Variants in KBTBD3 observed in about 807,000 individuals in gnomAD.
KBTBD3 encodes kelch repeat and BTB domain containing 3, also known as kelch repeat and BTB domain-containing protein 3.
Under a neutral mutation model 49.6 loss-of-function variants are expected in KBTBD3, and 38 were observed. That is an observed-to-expected ratio of 0.77 (90% CI 0.59 to 1.00). KBTBD3 has a LOEUF of 1.00. Among genes scored for constraint, KBTBD3 ranks in the 50% least tolerant of loss-of-function variants. The pLI is 0.00. For missense variants in KBTBD3, 661 were observed against 712.0 expected (o/e 0.93, Z 0.81); for synonymous variants, 214 against 250.4 (o/e 0.85, Z 1.37).
rs777701396 is a variant in KBTBD3 at position 106,054,153 on chromosome 11, T to C, written c.536A>G (p.His179Arg). The change falls in exon 4 of 4, where the codon CAT becomes CGT. Residue 179 changes from histidine (H) to arginine (R), a missense_variant. Physicochemically the swap from His to Arg is conservative, Grantham distance 29. Transcript: ENST00000531837. ...LFDHALHFVQ[H>R]HFSLLFKSSD... ...GGATTTAAATAATAAAGAAAAGTGA[T>C]GTTGTACAAAGTGTAATGCATGATC... 6.2e-7 allele frequency: 1 copy of C among 1,613,104 alleles called. No individual in the cohort carries two copies. Among genetic ancestry groups the C allele is most frequent in the Non-Finnish European group, 8.5e-7 (1 of 1,179,416 alleles).
chr11:106,053,968 C>G lies in KBTBD3; in HGVS notation c.721G>C (p.Val241Leu). 2 of 1,613,866 alleles carry G rather than the reference C, an allele frequency of 1.2e-6. No homozygotes were observed. Among genetic ancestry groups the G allele is most frequent in the Non-Finnish European group, 8.5e-7 (1 of 1,179,908 alleles). ...TCCTCAGATAACTGATGTAATCTCA[C>G]TTTTTCAATCAAATGAGGCAGATAC... is the stretch of plus-strand genomic sequence containing the variant. ...QKYLPHLIEK[V>L]RLHQLSEETL... Residue 241 changes from valine (V) to leucine (L), a missense_variant, in exon 4 of 4, where the codon GTG becomes CTG. Val to Leu is a conservative substitution (Grantham distance 32). Coordinates refer to ENST00000531837, the MANE Select transcript of KBTBD3 (RefSeq NM_198439.3).
At position 106,058,876 on chromosome 11, in the gene KBTBD3, A is replaced by G; in HGVS notation, c.222T>C (p.Ser74=). 6.4e-7 allele frequency: 1 copy of G among 1,566,076 alleles called. No individual in the cohort carries two copies. Among genetic ancestry groups the G allele is most frequent in the Non-Finnish European group, 8.6e-7 (1 of 1,160,022 alleles). The change falls in exon 3 of 4, where the codon AGT becomes AGC. Residue 74 remains serine, a synonymous_variant. Coordinates refer to ENST00000531837, the MANE Select transcript of KBTBD3 (RefSeq NM_198439.3). ...PCHRCVLAAC[S]DFFRAMFEVN... Reference sequence around the variant, plus strand: ...ACAAGGTAAAGTACCTGAAAAAGTCACTGCATGCTGCTAACACACAACGAT... The same window carrying G: ...ACAAGGTAAAGTACCTGAAAAAGTCGCTGCATGCTGCTAACACACAACGAT...
At chr11:106,076,322 G>A (rs903211687) in intron 2 of KBTBD3, 185 bp downstream of exon 2, 4 of 152,126 alleles carry the variant, frequency 2.6e-5, no homozygotes, top group African/African-American at 9.7e-5. Flanking sequence ...CCAATAATTC[G>A]TTTTACTGTC....
At chr11:106,063,548 G>GT (rs2135010707) in intron 2 of KBTBD3, among the ~76,000 whole-genome samples, 2 of 152,290 alleles carry the variant, frequency 1.3e-5, no homozygotes, top group African/African-American at 4.8e-5. Flanking sequence ...CATATTTGAG[G>GT]TAAATAACTT....
intron 2 of KBTBD3, among the ~76,000 whole-genome samples, chr11:106,062,501 G>T (rs532270612): frequency 6.6e-6 from 1 of 152,144 alleles, no homozygotes; most frequent in Non-Finnish European, 1.5e-5. Flanking sequence ...AAGCTGGCAA[G>T]CATAAGACCC....
Position 106,054,221 on chromosome 11 carries a change from C to A in KBTBD3, c.468G>T (p.Gln156His). Residue 156 changes from glutamine to histidine, a missense_variant, in exon 4 of 4, where the codon CAG becomes CAT. Transcript: ENST00000531837. ...IKSINLVNCL[Q>H]LLSISDSYGS... Reference sequence around the variant, plus strand: ...CATAGCTATCTGATATAGATAATAACTGTAAACAATTGACAAGATTAATAC... The same window carrying A: ...CATAGCTATCTGATATAGATAATAAATGTAAACAATTGACAAGATTAATAC... 6.2e-7 allele frequency: 1 copy of A among 1,612,302 alleles called. No homozygotes were observed. Among genetic ancestry groups the A allele is most frequent in the Non-Finnish European group, 8.5e-7 (1 of 1,179,088 alleles).
intron 2 of KBTBD3, among the ~76,000 whole-genome samples, chr11:106,064,732 G>C (rs1210771424): frequency 6.6e-6 from 1 of 152,004 alleles, no homozygotes. Flanking sequence ...GTTACTCCTG[G>C]TCTCATTCTC....
rs989427037 is a variant in KBTBD3, at chr11:106,067,409, T to C, written c.-12-8300A>G. Among the ~76,000 whole-genome samples the C allele has an allele frequency of 2.0e-5, 3 of 151,860 alleles. No individual in the cohort carries two copies. In the East Asian group the frequency reaches 5.8e-4, roughly 29 times the overall value. ...ACCTGAGGTCAGGAGTTCAAGACCA[T>C]CTTGGCCAACATGGTGAAACACCTC... On this transcript the variant is annotated intron_variant, in intron 2 of 3. Transcript: ENST00000531837.
chr11:106,056,528 C>G (rs1860556126), intron 3 of KBTBD3, among the ~76,000 whole-genome samples: 1 of 152,046 alleles, frequency 6.6e-6, no homozygotes, highest in South Asian at 2.1e-4. Flanking sequence ...GTGTTCACAC[C>G]AGATTATTTA....
At position 106,053,247 on chromosome 11, in the gene KBTBD3, G is replaced by T; in HGVS notation, c.1442C>A (p.Ala481Asp). 6.2e-7 allele frequency: 1 copy of T among 1,613,670 alleles called. No homozygotes were observed. Residue 481 changes from alanine (A) to aspartate (D), a missense_variant, in exon 4 of 4, where the codon GCT becomes GAT. Transcript: ENST00000531837. ...TAGTTCAGACCACTGATCAGTTGTAGCATTGTATTTAAAAAAGCAATCAAG... is the reference window on the plus strand; with the variant it reads ...TAGTTCAGACCACTGATCAGTTGTATCATTGTATTTAAAAAAGCAATCAAG... ...PSLDCFFKYN[A>D]TTDQWSELVA...
chr11:106,060,533 C>G (rs891768967), intron 2 of KBTBD3, among the ~76,000 whole-genome samples: 7 of 152,126 alleles, frequency 4.6e-5, no homozygotes, highest in Admixed American at 4.6e-4. Flanking sequence ...CAAAAACAAG[C>G]AATGGGGAAA....
rs370568304 is a variant in KBTBD3 at position 106,053,866 on chromosome 11, T to C, written c.823A>G (p.Ile275Val). ...CCACCAGAACCTTGCACACACTTAATTGCATCCATGATTATGTCAAAACAG... is the reference window on the plus strand; with the variant it reads ...CCACCAGAACCTTGCACACACTTAACTGCATCCATGATTATGTCAAAACAG... ...TNCFDIIMDAIKCVQGSGGLF... is the reference protein window; with the variant it reads ...TNCFDIIMDAVKCVQGSGGLF... The change falls in exon 4 of 4, where the codon ATT becomes GTT. Residue 275 changes from isoleucine to valine, a missense_variant. By Grantham distance (29) the Ile-to-Val change is conservative. Transcript: ENST00000531837. 6.2e-6 allele frequency: 10 copies of C among 1,614,042 alleles called. No homozygotes were observed. The highest frequency in any genetic ancestry group is 2.7e-5 in the African/African-American group (2 of 75,044).
chr11:106,066,533 A>G (rs1209802071), intron 2 of KBTBD3, among the ~76,000 whole-genome samples: 1 of 152,214 alleles, frequency 6.6e-6, no homozygotes, highest in African/African-American at 2.4e-5. Flanking sequence ...TTTTAATATC[A>G]AATGAAAGCT....
chr11:106,053,703 A>G lies in KBTBD3; in HGVS notation c.986T>C (p.Leu329Pro). 1 of 1,613,680 alleles carries G rather than the reference A, an allele frequency of 6.2e-7. No individual in the cohort carries two copies. The highest frequency in any genetic ancestry group is 8.5e-7 in the Non-Finnish European group (1 of 1,179,886). Residue 329 changes from leucine to proline, a missense_variant, in exon 4 of 4, where the codon CTG (leucine) becomes CCG (proline). Transcript: ENST00000531837. Reference protein sequence around the residue: ...DSWKILPQSHLIDLPGSSLSS... With the variant: ...DSWKILPQSHPIDLPGSSLSS... ...AAGACTAGATCCTGGCAAATCAATCAGGTGTGATTGCGGCAGTATTTTCCA... is the reference window on the plus strand; with the variant it reads ...AAGACTAGATCCTGGCAAATCAATCGGGTGTGATTGCGGCAGTATTTTCCA...
rs1479132967 is a variant in KBTBD3, at chr11:106,076,529, C to G, written c.-35G>C. On this transcript the variant is annotated 5_prime_UTR_variant, in exon 2 of 4. Coordinates refer to ENST00000531837, the MANE Select transcript of KBTBD3 (RefSeq NM_198439.3). ...TACCGCTGGCCTTTGGCTGATATTTCCGGGCAGTCAGAGGAAGAAGGAAAT... is the reference window on the plus strand; with the variant it reads ...TACCGCTGGCCTTTGGCTGATATTTGCGGGCAGTCAGAGGAAGAAGGAAAT... 6.6e-6 allele frequency: 1 copy of G among 152,170 alleles called. No individual in the cohort carries two copies. The highest frequency in any genetic ancestry group is 2.4e-5 in the African/African-American group (1 of 41,424). The allele number at this position is 152,170 out of a possible 1,614,324, so 9.4% of individuals were successfully genotyped here.
rs1303285257 is a variant in KBTBD3 at position 106,052,306 on chromosome 11, A to T, written c.*544T>A. The T allele has an allele frequency of 6.6e-6, 1 of 152,064 alleles. No homozygotes were observed. Among genetic ancestry groups the T allele is most frequent in the African/African-American group, 2.4e-5 (1 of 41,428 alleles). The allele number at this position is 152,064 out of a possible 1,614,324, so 9.4% of individuals were successfully genotyped here. A position where few individuals can be genotyped will look rare whatever the true frequency, so the allele number is the denominator to read the frequency against. On this transcript the variant is annotated 3_prime_UTR_variant, in exon 4 of 4. Coordinates refer to ENST00000531837, the MANE Select transcript of KBTBD3 (RefSeq NM_198439.3). ...ACATTATGCTTTTAATGAAAAAATG[A>T]GTCATTAAAAAAAGTTAAACTATGT... is the stretch of plus-strand genomic sequence containing the variant.
At chr11:106,068,019 A>G (rs1400592537) in intron 2 of KBTBD3, among the ~76,000 whole-genome samples, 1 of 150,804 alleles carries the variant, frequency 6.6e-6, no homozygotes, top group Non-Finnish European at 1.5e-5. Context: ...GGAAAGGAAT[A>G]TTATGTAATG....
chr11:106,057,693 C>G (rs925707152), intron 3 of KBTBD3: 1 of 191,350 alleles, frequency 5.2e-6, no homozygotes, highest in Non-Finnish European at 1.1e-5. Flanking sequence ...CAGAAGGTTG[C>G]TTAGAATTAG....
intron 2 of KBTBD3, among the ~76,000 whole-genome samples, chr11:106,068,914 T>C (rs908326334): frequency 3.3e-5 from 5 of 152,188 alleles, no homozygotes; most frequent in Admixed American, 1.3e-4. Flanking sequence ...TACCGATTAG[T>C]GTAATTTATC....
Sources: allele counts gnomAD v4.1 joint callset (sites outside exome capture counted in the v4.1 genomes callset), GRCh38; gene constraint gnomAD v4.1.1; transcripts MANE v1.5; gene names NCBI Gene and HGNC (gene_info 2026-07-23, HGNC 2026-07-21).